CYTH1: variants seen among roughly 807,000 people sequenced by gnomAD.
The protein encoded by CYTH1 is cytohesin-1.
A neutral mutation model predicts 61.8 loss-of-function variants in CYTH1; 18 were observed. The ratio of observed to expected loss-of-function variants is 0.29; its 90% CI spans 0.20 to 0.43. CYTH1 has a LOEUF of 0.43. Among genes scored for constraint, CYTH1 ranks in the 20% least tolerant of loss-of-function variants. The pLI is 1.00. For synonymous variants in CYTH1, 174 were observed against 184.3 expected (o/e 0.94, Z 0.45); for missense variants, 336 against 510.5 (o/e 0.66, Z 3.29).
chr17:78,775,106 C>T (rs919162766), intron 1 of CYTH1, among the ~76,000 whole-genome samples: 1 of 152,234 alleles, frequency 6.6e-6, no homozygotes, highest in African/African-American at 2.4e-5. Context: ...GCTCCCGAGG[C>T]ATCACACCAT....
rs59673666 is a variant in CYTH1 at position 78,766,087 on chromosome 17, G to GAAAAA, written c.22+16110_22+16114dup. Among the ~76,000 whole-genome samples the GAAAAA allele has an allele frequency of 5.9e-4, 39 of 65,672 alleles. 1 individual carries two copies. The highest frequency in any genetic ancestry group is 7.3e-4 in the Non-Finnish European group (28 of 38,102). The allele number at this position is 65,672 out of a possible 152,430, so 43.1% of individuals were successfully genotyped here. A position where few individuals can be genotyped will look rare whatever the true frequency, so the allele number is the denominator to read the frequency against. On this transcript the variant is annotated intron_variant, in intron 1 of 13. Coordinates refer to ENST00000446868, the MANE Select transcript of CYTH1 (RefSeq NM_004762.6). ...AACATAGTGAGATCCCATCTCTACA[G>GAAAAA]AAAAAAAAAAAAAAAAAAAAAAGCC... is the stretch of plus-strand genomic sequence containing the variant.
chr17:78,701,733 C>G lies in CYTH1; in HGVS notation c.375G>C (p.Gln125His), dbSNP rs760662251. 2 of 1,614,130 alleles carry G rather than the reference C, an allele frequency of 1.2e-6. No homozygotes were observed. The highest frequency in any genetic ancestry group is 2.2e-5 in the South Asian group (2 of 91,062). Residue 125 changes from glutamine (Q) to histidine (H), a missense_variant, in exon 6 of 14, where the codon CAG (glutamine) becomes CAC (histidine). Around this residue, in one of 4 missense-constraint regions of CYTH1, gnomAD observed 125 missense variants for 209.9 expected, o/e 0.60. Coordinates refer to ENST00000446868, the MANE Select transcript of CYTH1 (RefSeq NM_004762.6). Reference protein sequence around the residue: ...YLGERDEFNIQVLHAFVELHE... With the variant: ...YLGERDEFNIHVLHAFVELHE... ...GCAGCTCCACAAATGCATGAAGAAC[C>G]TGGATATTAAACTCATCTCTATCGA...
At chr17:78,694,803 A>T (rs778895340) in intron 10 of CYTH1, among the ~76,000 whole-genome samples, 7 of 152,238 alleles carry the variant, frequency 4.6e-5, no homozygotes, top group South Asian at 2.1e-4. Context: ...CCTGATTACA[A>T]AAGCTTGGTT....
chr17:78,771,756 GA>G (rs2093472346), intron 1 of CYTH1, among the ~76,000 whole-genome samples: 1 of 147,138 alleles, frequency 6.8e-6, no homozygotes, highest in Non-Finnish European at 1.5e-5. Context: ...AGAAAGAAAA[GA>G]AAAGGTGGAA....
chr17:78,764,723 A>G (rs768975487), intron 1 of CYTH1, among the ~76,000 whole-genome samples: 2 of 152,132 alleles, frequency 1.3e-5, no homozygotes, highest in Admixed American at 1.3e-4. Context: ...CTATATCAAA[A>G]GCAGAGGGAG....
rs542675476 is a variant in CYTH1, at chr17:78,742,848, C to A, written c.23-33116G>T. On this transcript the variant is annotated intron_variant, in intron 1 of 13. Transcript: ENST00000446868. ...CCAGCCTGGGAGACAGAGCAAGACT[C>A]CATCTCAATAAATAAATAAATAAGT... is the stretch of plus-strand genomic sequence containing the variant. 4.3e-3 allele frequency among the ~76,000 whole-genome samples: 654 copies of A among 152,250 alleles called. 6 individuals are homozygous for A. Among genetic ancestry groups the A allele is most frequent in the African/African-American group, 0.015 (616 of 41,546 alleles).
At chr17:78,765,793 C>A (rs1157712021) in intron 1 of CYTH1, among the ~76,000 whole-genome samples, 1 of 152,160 alleles carries the variant, frequency 6.6e-6, no homozygotes, top group East Asian at 1.9e-4. Flanking sequence ...GAGCTGAGAG[C>A]AGGCAAATGA....
intron 1 of CYTH1, among the ~76,000 whole-genome samples, chr17:78,776,658 CAAAAAAAA>C (rs1179473215): frequency 1.1e-5 from 1 of 88,344 alleles, no homozygotes; most frequent in Non-Finnish European, 2.2e-5. Flanking sequence ...GACTCTGTCT[CAAAAAAAA>C]AAAAAAAAAA....
chr17:78,708,347 C>T, intron 2 of CYTH1, 86 bp from the exon 3 acceptor site: 1 of 1,266,650 alleles, frequency 7.9e-7, no homozygotes, highest in Admixed American at 2.5e-5. Flanking sequence ...CTCCCTCCAA[C>T]CAAAAACAAA....
In CYTH1 at chr17:78,687,347, C is replaced by T. The variant is rs1397742442; in HGVS notation, c.891+5070G>A. Reference sequence around the variant, plus strand: ...ACAGGATGTTGGGCGTGGAAGCAGGCTTTCAGTGCTTTTGGGGCAATCTCA... The same window carrying T: ...ACAGGATGTTGGGCGTGGAAGCAGGTTTTCAGTGCTTTTGGGGCAATCTCA... On this transcript the variant is annotated intron_variant, in intron 11 of 13. Coordinates refer to ENST00000446868, the MANE Select transcript of CYTH1 (RefSeq NM_004762.6). 3.9e-5 allele frequency among the ~76,000 whole-genome samples: 6 copies of T among 152,096 alleles called. No homozygotes were observed. In the East Asian group the frequency reaches 1.2e-3, roughly 29 times the overall value.
chr17:78,707,027 CG>C (rs1379186913), intron 3 of CYTH1, among the ~76,000 whole-genome samples: 1 of 152,092 alleles, frequency 6.6e-6, no homozygotes, highest in Non-Finnish European at 1.5e-5. Flanking sequence ...TTTACAAAAG[CG>C]GAAGTTTTAA....
At chr17:78,731,010 TCA>T (rs1438868627) in intron 1 of CYTH1, among the ~76,000 whole-genome samples, 1 of 152,158 alleles carries the variant, frequency 6.6e-6, no homozygotes, top group African/African-American at 2.4e-5. Flanking sequence ...GGGAAAGTCC[TCA>T]CACACCAGCT....
At chr17:78,678,961 T>A (rs1214776463) in intron 13 of CYTH1, among the ~76,000 whole-genome samples, 1 of 152,268 alleles carries the variant, frequency 6.6e-6, no homozygotes, top group East Asian at 1.9e-4. Flanking sequence ...CTGTCTGTTT[T>A]CATTGCATGA....
chr17:78,738,026 T>C (rs966022325), intron 1 of CYTH1, among the ~76,000 whole-genome samples: 4 of 152,294 alleles, frequency 2.6e-5, no homozygotes, highest in South Asian at 2.1e-4. Context: ...CAGTCCCATA[T>C]TGTAAGACTT....
At chr17:78,759,614 T>C (rs1163814593) in intron 1 of CYTH1, among the ~76,000 whole-genome samples, 1 of 152,224 alleles carries the variant, frequency 6.6e-6, no homozygotes, top group Non-Finnish European at 1.5e-5. Flanking sequence ...GCTTCTTTCA[T>C]CTGTTGAGCC....
rs761352324 is a variant in CYTH1 at position 78,747,419 on chromosome 17, C to T, written c.22+34783G>A. Among the ~76,000 whole-genome samples, 48 of 152,186 alleles carry T rather than the reference C, an allele frequency of 3.2e-4. No homozygotes were observed. The Middle Eastern group carries it at 0.02, about 65-fold the overall frequency. On this transcript the variant is annotated intron_variant, in intron 1 of 13. Coordinates refer to ENST00000446868, the MANE Select transcript of CYTH1 (RefSeq NM_004762.6). ...TGAAGGATCTAGAGGTCAACATCTG[C>T]GGGGAGGAGGCACTGTCTGGGAGAG...
At chr17:78,760,035 T>C (rs944342136) in intron 1 of CYTH1, among the ~76,000 whole-genome samples, 1 of 152,134 alleles carries the variant, frequency 6.6e-6, no homozygotes, top group Non-Finnish European at 1.5e-5. Context: ...TTGGTATGGC[T>C]AGAGTAAGGA....
At chr17:78,777,717 T>A (rs2093498385) in intron 1 of CYTH1, among the ~76,000 whole-genome samples, 1 of 151,554 alleles carries the variant, frequency 6.6e-6, no homozygotes, top group Admixed American at 6.6e-5. Context: ...CCGGGCGCGG[T>A]GGCTCACACC....
intron 11 of CYTH1, among the ~76,000 whole-genome samples, chr17:78,685,289 A>T (rs1411768418): frequency 4.6e-5 from 7 of 151,548 alleles, no homozygotes; most frequent in Non-Finnish European, 2.9e-5. Flanking sequence ...TTGACTCTGC[A>T]TTTTAAAAAG....
Sources: gnomAD v4.1 joint callset for allele counts (sites outside exome capture counted in the v4.1 genomes callset) on GRCh38, gnomAD v4.1.1 for gene constraint, gnomAD v4.1.1 regional missense constraint, MANE v1.5 for transcripts, NCBI Gene and HGNC (gene_info 2026-07-23, HGNC 2026-07-21) for gene names.